Variants in DNM3 observed in about 807,000 individuals in gnomAD.
DNM3 encodes dynamin 3.
DNM3 carries 47 observed loss-of-function variants against 101.6 expected under a neutral mutation model. The observed-to-expected ratio is 0.46, with a 90% CI of 0.37 to 0.59. The LOEUF (loss-of-function observed/expected upper bound fraction) is 0.59. DNM3 is among the 20% of genes least tolerant of loss of function. The pLI, the probability that DNM3 is intolerant of heterozygous loss-of-function variation, is 0.00. For synonymous variants in DNM3, 385 were observed against 387.9 expected (o/e 0.99, Z 0.09); for missense variants, 849 against 1,085.7 (o/e 0.78, Z 3.06).
At position 171,860,096 on chromosome 1, in the gene DNM3, G is replaced by A. The variant is rs529513523; in HGVS notation, c.161+18279G>A. Among the ~76,000 whole-genome samples the A allele has an allele frequency of 2.0e-5, 3 of 152,240 alleles. No homozygotes were observed. The East Asian group carries it at 5.8e-4, about 29-fold the overall frequency. On this transcript the variant is annotated intron_variant, in intron 1 of 20. Coordinates refer to ENST00000627582, the MANE Select transcript of DNM3 (RefSeq NM_015569.5). ...GAAGGATTTTAATCAGGTTAGTTATGTAATCTGATTTACATTAGAGAAAGA... is the reference window on the plus strand; with the variant it reads ...GAAGGATTTTAATCAGGTTAGTTATATAATCTGATTTACATTAGAGAAAGA...
At chr1:172,216,294 G>C (rs6698253) in intron 14 of DNM3, among the ~76,000 whole-genome samples, 28,361 of 152,012 alleles carry the variant, frequency 0.19, 3,610 homozygotes, top group African/African-American at 0.37. Context: ...TTAAAGACAA[G>C]TCTGTGTAAA....
chr1:172,080,713 C>T (rs778499935), intron 11 of DNM3, among the ~76,000 whole-genome samples: 54 of 152,206 alleles, frequency 3.5e-4, no homozygotes, highest in Non-Finnish European at 1.3e-4. Context: ...TCTGCCCAAA[C>T]AGCCCCCCAG....
chr1:172,114,439 G>A (rs760881924), intron 13 of DNM3, among the ~76,000 whole-genome samples: 5 of 151,986 alleles, frequency 3.3e-5, no homozygotes, highest in South Asian at 2.1e-4. Context: ...TACCTGTTTC[G>A]TACTCTTCAT....
chr1:171,954,168 A>T (rs561732594), intron 2 of DNM3, among the ~76,000 whole-genome samples: 75 of 152,046 alleles, frequency 4.9e-4, no homozygotes, highest in Non-Finnish European at 7.8e-4. Context: ...TAACTGCCAA[A>T]TTTTTTTTCT....
intron 14 of DNM3, among the ~76,000 whole-genome samples, chr1:172,177,908 G>T (rs1021460856): frequency 5.3e-5 from 8 of 151,820 alleles, no homozygotes; most frequent in Non-Finnish European, 1.0e-4. Flanking sequence ...TGTGCCCAAT[G>T]AATATACAGT....
At chr1:172,208,798 G>A (rs983412221) in intron 14 of DNM3, among the ~76,000 whole-genome samples, 1 of 152,060 alleles carries the variant, frequency 6.6e-6, no homozygotes, top group Admixed American at 6.6e-5. Flanking sequence ...TCATAATAAT[G>A]TATCATTTTC....
At chr1:172,152,880 C>T (rs1362314680) in intron 14 of DNM3, among the ~76,000 whole-genome samples, 5 of 152,076 alleles carry the variant, frequency 3.3e-5, no homozygotes, top group Non-Finnish European at 7.4e-5. Flanking sequence ...AGATAACTTG[C>T]TTACCAATGT....
chr1:172,303,553 G>C lies in DNM3; in HGVS notation c.1770-5175G>C, dbSNP rs1223042391. Among the ~76,000 whole-genome samples the C allele has an allele frequency of 2.0e-5, 3 of 152,068 alleles. No homozygotes were observed. In the East Asian group the frequency reaches 5.8e-4, roughly 29 times the overall value. ...ACACCACAAAGATACTCCTTGAGAA[G>C]AGCAACCCCAAGACACATAACTGTC... On this transcript the variant is annotated intron_variant, in intron 15 of 20. Coordinates refer to ENST00000627582, the MANE Select transcript of DNM3 (RefSeq NM_015569.5).
chr1:172,401,283 AC>A (rs1347800894), intron 20 of DNM3, among the ~76,000 whole-genome samples: 1 of 152,200 alleles, frequency 6.6e-6, no homozygotes, highest in Non-Finnish European at 1.5e-5. Flanking sequence ...CAGATCATAA[AC>A]TGAGGAGAGT....
intron 14 of DNM3, among the ~76,000 whole-genome samples, chr1:172,141,842 T>C (rs1345800404): frequency 6.6e-6 from 1 of 152,074 alleles, no homozygotes; most frequent in African/African-American, 2.4e-5. Flanking sequence ...AAACAGTCTT[T>C]CTTTGATTTT....
At chr1:171,862,458 TA>T (rs1057332962) in intron 1 of DNM3, among the ~76,000 whole-genome samples, 1 of 152,102 alleles carries the variant, frequency 6.6e-6, no homozygotes, top group Non-Finnish European at 1.5e-5. Flanking sequence ...GGATAAATCT[TA>T]AAAACATTAC....
chr1:172,046,253 T>C (rs1000566959), intron 9 of DNM3, among the ~76,000 whole-genome samples: 1 of 152,106 alleles, frequency 6.6e-6, no homozygotes, highest in Admixed American at 6.6e-5. Context: ...ATGTCCTTTG[T>C]AGGGACATGG....
chr1:172,395,879 G>A (rs575795060), intron 20 of DNM3, among the ~76,000 whole-genome samples: 1 of 152,316 alleles, frequency 6.6e-6, no homozygotes, highest in East Asian at 1.9e-4. Flanking sequence ...TGGGGGATGG[G>A]AGGGCAGTGT....
chr1:171,905,969 G>T (rs2038793161), intron 1 of DNM3, among the ~76,000 whole-genome samples: 1 of 152,090 alleles, frequency 6.6e-6, no homozygotes, highest in African/African-American at 2.4e-5. Flanking sequence ...GTGAAGGATG[G>T]ATGTACCAGA....
intron 20 of DNM3, among the ~76,000 whole-genome samples, chr1:172,401,811 C>T (rs56292603): frequency 3.6e-4 from 55 of 152,246 alleles, no homozygotes; most frequent in African/African-American, 1.2e-3. Context: ...TATTATCTTC[C>T]ATGTGGACAA....
chr1:172,274,723 G>GTTTTTTTTTTTT (rs375210621), intron 15 of DNM3, among the ~76,000 whole-genome samples: 1 of 116,934 alleles, frequency 8.6e-6, no homozygotes, highest in African/African-American at 2.8e-5. Context: ...TCTAGTGAAG[G>GTTTTTTTTTTTT]TTTTTTTTTT....
chr1:171,952,835 T>C (rs2042615138), intron 2 of DNM3, among the ~76,000 whole-genome samples: 1 of 152,218 alleles, frequency 6.6e-6, no homozygotes, highest in African/African-American at 2.4e-5. Context: ...CTGGGACAGG[T>C]AGTACCTCTA....
chr1:172,213,606 A>G (rs909239994), intron 14 of DNM3, among the ~76,000 whole-genome samples: 6 of 151,380 alleles, frequency 4.0e-5, no homozygotes, highest in Non-Finnish European at 5.9e-5. Flanking sequence ...CAAGGCAGGT[A>G]GATCATGAGA....
chr1:172,233,069 A>T (rs2061399788), intron 14 of DNM3, among the ~76,000 whole-genome samples: 1 of 152,234 alleles, frequency 6.6e-6, no homozygotes, highest in Non-Finnish European at 1.5e-5. Context: ...AGAGACACAA[A>T]AACCCTTCAA....
Sources: gnomAD v4.1 joint callset for allele counts (sites outside exome capture counted in the v4.1 genomes callset) on GRCh38, gnomAD v4.1.1 for gene constraint, MANE v1.5 for transcripts, NCBI Gene and HGNC (gene_info 2026-07-23, HGNC 2026-07-21) for gene names.